GRM2: variants seen among roughly 807,000 people sequenced by gnomAD.
The protein encoded by GRM2 is metabotropic glutamate receptor 2.
GRM2 carries 35 observed loss-of-function variants against 60.4 expected under a neutral mutation model. The observed-to-expected ratio is 0.58, with a 90% CI of 0.44 to 0.77. GRM2 has a LOEUF of 0.77. Among genes scored for constraint, GRM2 ranks in the 30% least tolerant of loss-of-function variants. The probability of loss-of-function intolerance (pLI) is 0.00; values close to 1 mark genes in which losing one functional copy is unlikely to be tolerated. For missense variants in GRM2, 925 were observed against 1,199.5 expected (o/e 0.77, Z 3.38); for synonymous variants, 437 against 484.1 (o/e 0.90, Z 1.28).
In GRM2 at chr3:51,709,352, C is replaced by T. The variant is rs373995891; in HGVS notation, c.369C>T (p.Asp123=). The T allele has an allele frequency of 3.5e-5, 56 of 1,593,770 alleles. No individual in the cohort carries two copies. The highest frequency in any genetic ancestry group is 4.6e-5 in the Non-Finnish European group (54 of 1,164,286). Residue 123 remains aspartate (D), a synonymous_variant, in exon 2 of 6, where the codon GAC becomes GAT. Transcript: ENST00000395052. The part of the protein sequence containing the change: ...GADGSRHICP[D]GSYATHGDAP... ...ATGGCTCACGCCACATCTGCCCCGA[C>T]GGCTCTTATGCGACCCATGGTGATG...
rs368722269 is a variant in GRM2, at chr3:51,715,365, G to A, written c.1592G>A (p.Arg531Gln). The part of the protein sequence containing the change: ...LCIPCQPYEY[R>Q]LDEFTCADCG... ...ATTCCGTGCCAGCCCTATGAGTACCGATTGGACGAATTCACTTGCGCTGAT... is the reference window on the plus strand; with the variant it reads ...ATTCCGTGCCAGCCCTATGAGTACCAATTGGACGAATTCACTTGCGCTGAT... Residue 531 changes from arginine to glutamine, a missense_variant, in exon 4 of 6, where the codon CGA (arginine) becomes CAA (glutamine). Arg to Gln is a conservative substitution (Grantham distance 43). Coordinates refer to ENST00000395052, the MANE Select transcript of GRM2 (RefSeq NM_000839.5). This position sits in a 1 kb window ranked among gnomAD's most constrained non-coding sequence, Gnocchi z 9.0. The A allele has an allele frequency of 2.9e-5, 46 of 1,613,604 alleles. No homozygotes were observed. The highest frequency in any genetic ancestry group is 1.6e-4 in the Middle Eastern group (1 of 6,084).
intron 3 of GRM2, chr3:51,714,384 A>G (rs1437351089): frequency 6.5e-6 from 1 of 153,530 alleles, no homozygotes; most frequent in Non-Finnish European, 1.4e-5. Context: ...GCTTTCTTGA[A>G]CCCTGATTTC....
chr3:51,715,234 G>A lies in GRM2; in HGVS notation c.1461G>A (p.Trp487Ter). Residue 487 changes from tryptophan to a stop codon, truncating the protein, a stop_gained, in exon 4 of 6, where the codon TGG becomes TGA. Coordinates refer to ENST00000395052, the MANE Select transcript of GRM2 (RefSeq NM_000839.5). LOFTEE classifies it high-confidence loss of function. The surrounding 1 kb of genome is among the most constrained non-coding windows in gnomAD (Gnocchi z 9.0). ...CTCTGGACACCAGCCTCATCCCATG[G>A]GCCTCACCCTCAGCCGGCCCCCTGC... ...GLTLDTSLIP[W>*]ASPSAGPLPA... 1 of 1,612,248 alleles carries A rather than the reference G, an allele frequency of 6.2e-7. No homozygotes were observed. The highest frequency in any genetic ancestry group is 8.5e-7 in the Non-Finnish European group (1 of 1,178,786).
At chr3:51,708,722 TC>T (rs1703588102) in intron 1 of GRM2, 125 bp from the exon 2 acceptor site, 1 of 444,272 alleles carries the variant, frequency 2.3e-6, no homozygotes, top group Non-Finnish European at 4.0e-6. Flanking sequence ...AATGACACCA[TC>T]CTGTCCCTCC....
chr3:51,710,197 T>C (rs1703663739), intron 2 of GRM2, among the ~76,000 whole-genome samples: 1 of 151,888 alleles, frequency 6.6e-6, no homozygotes, highest in African/African-American at 2.4e-5. Flanking sequence ...CCTCACCACG[T>C]TGGTCAGGCT....
At position 51,708,954 on chromosome 3, in the gene GRM2, C is replaced by T. The variant is rs573975519; in HGVS notation, c.-30C>T. The T allele has an allele frequency of 1.3e-6, 2 of 1,512,062 alleles. No individual in the cohort carries two copies. Among genetic ancestry groups the T allele is most frequent in the South Asian group, 1.3e-5 (1 of 78,442 alleles). The allele number at this position is 1,512,062 out of a possible 1,614,324, so 93.7% of individuals were successfully genotyped here. ...AATCTCATCCCCTGGAGACCCAGGT[C>T]TGCGGGACCCATCCATCCCCTTTGG... On this transcript the variant is annotated 5_prime_UTR_variant, in exon 2 of 6. Transcript: ENST00000395052.
Position 51,713,192 on chromosome 3 carries a change from T to C in GRM2, c.1170T>C (p.His390=), listed in dbSNP as rs1263000933. Reference sequence around the variant, plus strand: ...TCAATGCAGTGTACGCCATGGCCCATGCGCTCCACAACATGCACCGTGCCC... The same window carrying C: ...TCAATGCAGTGTACGCCATGGCCCACGCGCTCCACAACATGCACCGTGCCC... The part of the protein sequence containing the change: ...FVVNAVYAMA[H]ALHNMHRALC... Residue 390 remains histidine, a synonymous_variant, in exon 3 of 6, where the codon CAT becomes CAC. Transcript: ENST00000395052. This position sits in a 1 kb window ranked among gnomAD's most constrained non-coding sequence, Gnocchi z 4.8. 1.2e-6 allele frequency: 2 copies of C among 1,613,194 alleles called. No individual in the cohort carries two copies. Among genetic ancestry groups the C allele is most frequent in the Admixed American group, 1.7e-5 (1 of 60,028 alleles).
chr3:51,717,807 C>G lies in GRM2; in HGVS notation c.2535C>G (p.Ser845Arg). Reference protein sequence around the residue: ...FGSAAARASSSLGQGSGSQFV... With the variant: ...FGSAAARASSRLGQGSGSQFV... ...GTGCTGCTGCCAGGGCCAGCTCCAGCCTTGGCCAAGGTCAGTGTCCTAAGC... is the reference window on the plus strand; with the variant it reads ...GTGCTGCTGCCAGGGCCAGCTCCAGGCTTGGCCAAGGTCAGTGTCCTAAGC... The change falls in exon 5 of 6, where the codon AGC (serine) becomes AGG (arginine). Residue 845 changes from serine to arginine, a missense_variant. Physicochemically the swap from Ser to Arg is moderately radical, Grantham distance 110 (BLOSUM62 -1). Coordinates refer to ENST00000395052, the MANE Select transcript of GRM2 (RefSeq NM_000839.5). The surrounding 1 kb of genome is among the most constrained non-coding windows in gnomAD (Gnocchi z 6.0). 1 of 1,613,728 alleles carries G rather than the reference C, an allele frequency of 6.2e-7. No individual in the cohort carries two copies. The highest frequency in any genetic ancestry group is 8.5e-7 in the Non-Finnish European group (1 of 1,179,806).
chr3:51,713,639 G>T lies in GRM2; in HGVS notation c.1288+329G>T. 1 of 356,644 alleles carries T rather than the reference G, an allele frequency of 2.8e-6. No individual in the cohort carries two copies. Among genetic ancestry groups the T allele is most frequent in the Non-Finnish European group, 5.1e-6 (1 of 195,388 alleles). 22.1% of individuals were successfully genotyped at this position (356,644 alleles called of 1,614,324 possible). On this transcript the variant is annotated intron_variant, in intron 3 of 5. Transcript: ENST00000395052. This position sits in a 1 kb window ranked among gnomAD's most constrained non-coding sequence, Gnocchi z 4.8. Reference sequence around the variant, plus strand: ...CAGGAGACCTCAAGCCCATTCTCAGGCAGCACCAAGAGTTAGAATCAGTCT... The same window carrying T: ...CAGGAGACCTCAAGCCCATTCTCAGTCAGCACCAAGAGTTAGAATCAGTCT...
chr3:51,716,780 A>G lies in GRM2; in HGVS notation c.2364+643A>G, dbSNP rs1426210600. Among the ~76,000 whole-genome samples the G allele has an allele frequency of 1.3e-5, 2 of 152,198 alleles. No homozygotes were observed. Among genetic ancestry groups the G allele is most frequent in the Non-Finnish European group, 2.9e-5 (2 of 68,038 alleles). ...GCTCCATGGCTCTCCCGTTTTACAG[A>G]TGAAGAAACAGAGACTCAGGGAGGT... On this transcript the variant is annotated intron_variant, in intron 4 of 5. Coordinates refer to ENST00000395052, the MANE Select transcript of GRM2 (RefSeq NM_000839.5). This position sits in a 1 kb window ranked among gnomAD's most constrained non-coding sequence, Gnocchi z 4.0.
chr3:51,713,249 G>T lies in GRM2; in HGVS notation c.1227G>T (p.Ala409=). The change falls in exon 3 of 6, where the codon GCG becomes GCT. Residue 409 remains alanine (A), a synonymous_variant. Transcript: ENST00000395052. This position sits in a 1 kb window ranked among gnomAD's most constrained non-coding sequence, Gnocchi z 4.8. ...CCAACACCACCCGGCTCTGTGACGCGATGCGGCCAGTTAACGGGCGCCGCC... is the reference window on the plus strand; with the variant it reads ...CCAACACCACCCGGCTCTGTGACGCTATGCGGCCAGTTAACGGGCGCCGCC... ...LCPNTTRLCD[A]MRPVNGRRLY... is the part of the protein sequence containing the mutation. 2 of 1,613,006 alleles carry T rather than the reference G, an allele frequency of 1.2e-6. No individual in the cohort carries two copies. The highest frequency in any genetic ancestry group is 1.7e-6 in the Non-Finnish European group (2 of 1,179,974).
At chr3:51,707,423 G>T in intron 1 of GRM2, 1 of 153,496 alleles carries the variant, frequency 6.5e-6, no homozygotes, top group East Asian at 1.9e-4. Flanking sequence ...TTCTGTCTGT[G>T]CCTCCGTCTT....
At chr3:51,709,540 C>A in intron 2 of GRM2, 107 bp downstream of exon 2, 1 of 764,620 alleles carries the variant, frequency 1.3e-6, no homozygotes, top group Non-Finnish European at 2.0e-6. Flanking sequence ...GGAAGGGAAA[C>A]TAGAAGCTTC....
intron 2 of GRM2, among the ~76,000 whole-genome samples, chr3:51,711,909 G>T (rs1703722515): frequency 6.6e-6 from 1 of 152,252 alleles, no homozygotes; most frequent in Non-Finnish European, 1.5e-5. Flanking sequence ...GAGATGGGGT[G>T]CCAGGCAGCC....
Position 51,713,521 on chromosome 3 carries a change from C to A in GRM2, c.1288+211C>A. ...TTCCACTTTCTTCCAGAGAGTAGACCTCTGGCCTGGTCCCGCCATTTTGAG... is the reference window on the plus strand; with the variant it reads ...TTCCACTTTCTTCCAGAGAGTAGACATCTGGCCTGGTCCCGCCATTTTGAG... On this transcript the variant is annotated intron_variant, in intron 3 of 5. Transcript: ENST00000395052. This position sits in a 1 kb window ranked among gnomAD's most constrained non-coding sequence, Gnocchi z 4.8. The A allele has an allele frequency of 1.8e-6, 1 of 557,142 alleles. No individual in the cohort carries two copies. Among genetic ancestry groups the A allele is most frequent in the Non-Finnish European group, 3.2e-6 (1 of 313,312 alleles). The allele number at this position is 557,142 out of a possible 1,614,324, so 34.5% of individuals were successfully genotyped here.
In GRM2 at chr3:51,713,334, T is replaced by C. The variant is rs1489219724; in HGVS notation, c.1288+24T>C. The C allele has an allele frequency of 6.8e-7, 1 of 1,473,696 alleles. No homozygotes were observed. Among genetic ancestry groups the C allele is most frequent in the Non-Finnish European group, 9.4e-7 (1 of 1,066,680 alleles). 91.3% of individuals were successfully genotyped at this position (1,473,696 alleles called of 1,614,324 possible). ...TGGTAATGGTGTTGGCCAGTGTCCA[T>C]TGGCCTGCTGGCTGTCAGAGGATGA... On this transcript the variant is annotated intron_variant, in intron 3 of 5. Coordinates refer to ENST00000395052, the MANE Select transcript of GRM2 (RefSeq NM_000839.5). The surrounding 1 kb of genome is among the most constrained non-coding windows in gnomAD (Gnocchi z 4.8).
In GRM2 at chr3:51,717,904, G is replaced by A. The variant is rs896621760; in HGVS notation, c.2545+87G>A. ...CTGAGATCTCTTGTCTGGGGGTGAG[G>A]TGCCCCCCAAATGACACTGGCAGGA... On this transcript the variant is annotated intron_variant, in intron 5 of 5. Coordinates refer to ENST00000395052, the MANE Select transcript of GRM2 (RefSeq NM_000839.5). The surrounding 1 kb of genome is among the most constrained non-coding windows in gnomAD (Gnocchi z 6.0). 1.2e-5 allele frequency: 18 copies of A among 1,451,038 alleles called. No individual in the cohort carries two copies. The Admixed American group carries it at 2.0e-4, about 16-fold the overall frequency. The allele number at this position is 1,451,038 out of a possible 1,614,324, so 89.9% of individuals were successfully genotyped here. A position where few individuals can be genotyped will look rare whatever the true frequency, so the allele number is the denominator to read the frequency against.
chr3:51,714,949 G>A, intron 3 of GRM2, 113 bp from the exon 4 acceptor site: 1 of 622,744 alleles, frequency 1.6e-6, no homozygotes, highest in East Asian at 2.9e-5. Context: ...GGATTGGAAG[G>A]GCTAATGGTG....
intron 2 of GRM2, among the ~76,000 whole-genome samples, chr3:51,710,227 C>T (rs1035811716): frequency 2.6e-5 from 4 of 152,104 alleles, no homozygotes; most frequent in South Asian, 2.1e-4. Flanking sequence ...CTCCCGACTT[C>T]AGGTGATCCA....
Sources: allele counts gnomAD v4.1 joint callset (sites outside exome capture counted in the v4.1 genomes callset), GRCh38; gene constraint gnomAD v4.1.1; non-coding constraint Gnocchi (gnomAD v3.1); transcripts MANE v1.5; gene names NCBI Gene and HGNC (gene_info 2026-07-23, HGNC 2026-07-21).